Variants in PTK2B observed in about 807,000 individuals in gnomAD.
PTK2B encodes the protein protein tyrosine kinase 2 beta.
PTK2B carries 71 observed loss-of-function variants against 142.9 expected under a neutral mutation model. The ratio of observed to expected loss-of-function variants is 0.50; its 90% CI spans 0.41 to 0.61. The LOEUF (loss-of-function observed/expected upper bound fraction) is 0.61. Ranked by LOEUF, PTK2B falls within the 20% of genes least tolerant of loss-of-function variation. The pLI is 0.00. For missense variants in PTK2B, 1,105 were observed against 1,320.4 expected, an observed-to-expected ratio of 0.84 and a Z score of 2.53; for synonymous variants, 519 against 503.4, an observed-to-expected ratio of 1.03 and a Z score of -0.42.
intron 5 of PTK2B, among the ~76,000 whole-genome samples, chr8:27,427,557 T>C (rs879112536): frequency 6.6e-6 from 1 of 152,178 alleles, no homozygotes; most frequent in Admixed American, 6.5e-5. Context: ...AATTAAATAG[T>C]TGTGTACAGC....
chr8:27,440,156 T>C, intron 20 of PTK2B, 81 bp from the exon 21 acceptor site: 1 of 1,416,002 alleles, frequency 7.1e-7, no homozygotes, highest in South Asian at 1.2e-5. Context: ...TGGTGGAGAC[T>C]GAGTGCTAAT....
chr8:27,323,308 A>G (rs1199311467), upstream of PTK2B: 2 of 152,226 alleles, frequency 1.3e-5, no homozygotes, highest in African/African-American at 4.8e-5. Flanking sequence ...AATATGAGCC[A>G]GGGTTATAGA....
At chr8:27,350,110 T>C (rs552637643) in intron 1 of PTK2B, among the ~76,000 whole-genome samples, 1 of 152,264 alleles carries the variant, frequency 6.6e-6, no homozygotes, top group Non-Finnish European at 1.5e-5. Flanking sequence ...ATGATAAAGG[T>C]ACGGGGAAGC....
Position 27,350,990 on chromosome 8 carries a change from AATATAT to A in PTK2B, c.-38+25355_-38+25360del, listed in dbSNP as rs1161548916. On this transcript the variant is annotated intron_variant, in intron 1 of 30. Transcript: ENST00000346049. ...GTCTCCGTCTCAAAAAAAAAAAAAAAATATATATATATATATATATATATATATATA... is the reference window on the plus strand; with the variant it reads ...GTCTCCGTCTCAAAAAAAAAAAAAAAATATATATATATATATATATATATA... Among the ~76,000 whole-genome samples the A allele has an allele frequency of 6.1e-3, 73 of 12,040 alleles. 1 individual carries two copies. Among genetic ancestry groups the A allele is most frequent in the South Asian group, 0.011 (3 of 270 alleles). 7.9% of individuals were successfully genotyped at this position (12,040 alleles called of 152,430 possible).
chr8:27,370,064 A>T lies in PTK2B; in HGVS notation c.-37-27484A>T, dbSNP rs569472074. ...GAGGCAACTGAGGTCTCCATTGAAG[A>T]TGTGTTGGGCTCAGGGTCTCAGAGC... On this transcript the variant is annotated intron_variant, in intron 1 of 30. Transcript: ENST00000346049. 7.2e-5 allele frequency among the ~76,000 whole-genome samples: 11 copies of T among 152,334 alleles called. No individual in the cohort carries two copies. In the South Asian group the frequency reaches 1.2e-3, roughly 17 times the overall value.
At chr8:27,451,808 A>C in intron 27 of PTK2B, 3 of 1,270,066 alleles carry the variant, frequency 2.4e-6, no homozygotes, top group Non-Finnish European at 3.0e-6. Flanking sequence ...TCTCTTCCTC[A>C]TTTCCTGCTC....
chr8:27,450,983 A>G (rs1393506229), intron 25 of PTK2B, 60 bp from the exon 26 acceptor site: 45 of 1,610,386 alleles, frequency 2.8e-5, no homozygotes, highest in African/African-American at 4.0e-5. Flanking sequence ...GGTCCCCTGC[A>G]TTCTTGGTGC....
chr8:27,376,829 A>G (rs1806700041), intron 1 of PTK2B, among the ~76,000 whole-genome samples: 1 of 152,246 alleles, frequency 6.6e-6, no homozygotes, highest in African/African-American at 2.4e-5. Flanking sequence ...AGAAATAACT[A>G]TAAAAATGGG....
chr8:27,449,973 A>G (rs1204695387), intron 24 of PTK2B, among the ~76,000 whole-genome samples: 1 of 152,190 alleles, frequency 6.6e-6, no homozygotes, highest in Non-Finnish European at 1.5e-5. Flanking sequence ...ATTTCTTCTA[A>G]TCATTGGTTA....
intron 13 of PTK2B, among the ~76,000 whole-genome samples, chr8:27,435,141 T>C (rs1394185517): frequency 1.3e-5 from 2 of 152,258 alleles, no homozygotes; most frequent in Non-Finnish European, 2.9e-5. Context: ...TTCTAGAGGC[T>C]GGAAGTCCAA....
At chr8:27,450,616 A>C in intron 24 of PTK2B, 133 bp from the exon 25 acceptor site, 1 of 1,154,596 alleles carries the variant, frequency 8.7e-7, no homozygotes, top group Non-Finnish European at 1.2e-6. Flanking sequence ...GTTTAAGAAC[A>C]AACTTATGAG....
At chr8:27,311,003 A>G (rs1453964543), upstream of PTK2B, 2 of 1,611,384 alleles carry the variant, frequency 1.2e-6, no homozygotes, top group South Asian at 1.1e-5. Context: ...CTTCTCCACC[A>G]GGTTGTTGAG....
At chr8:27,347,000 C>G (rs1050702991) in intron 1 of PTK2B, among the ~76,000 whole-genome samples, 4 of 152,200 alleles carry the variant, frequency 2.6e-5, no homozygotes, top group African/African-American at 9.6e-5. Context: ...TACTTCTCCT[C>G]TTCTTTGCAT....
At chr8:27,337,031 A>G (rs1246192051) in intron 1 of PTK2B, among the ~76,000 whole-genome samples, 1 of 134,560 alleles carries the variant, frequency 7.4e-6, no homozygotes, top group East Asian at 2.4e-4. Flanking sequence ...ATACTTATTG[A>G]TGAATAGTAG....
At chr8:27,335,425 T>A (rs1803999122) in intron 1 of PTK2B, among the ~76,000 whole-genome samples, 1 of 152,082 alleles carries the variant, frequency 6.6e-6, no homozygotes, top group African/African-American at 2.4e-5. Flanking sequence ...AAACCCCATC[T>A]GTACTAAAAA....
At chr8:27,380,818 A>G (rs1806968739) in intron 1 of PTK2B, 1 of 152,224 alleles carries the variant, frequency 6.6e-6, no homozygotes, top group African/African-American at 2.4e-5. Flanking sequence ...TTCAGTTCTC[A>G]CAGTGAGTTG....
At chr8:27,319,997 G>A (rs866138007) in intron 3 of PTK2B, among the ~76,000 whole-genome samples, 8 of 152,248 alleles carry the variant, frequency 5.3e-5, no homozygotes, top group Middle Eastern at 6.8e-3. Flanking sequence ...TGAGACAGCC[G>A]GGTGGGAAGG....
At chr8:27,393,787 C>T (rs1807867883) in intron 1 of PTK2B, among the ~76,000 whole-genome samples, 1 of 152,064 alleles carries the variant, frequency 6.6e-6, no homozygotes, top group South Asian at 2.1e-4. Context: ...TATCAACATC[C>T]CTCACCCCCC....
chr8:27,311,401 A>AGGGAGGGGGC, upstream of PTK2B: 1 of 812,710 alleles, frequency 1.2e-6, no homozygotes. Context: ...GGCGAGGGGG[A>AGGGAGGGGGC]GGGAGGGGGC....
Sources: gnomAD v4.1 joint callset for allele counts (sites outside exome capture counted in the v4.1 genomes callset) on GRCh38, gnomAD v4.1.1 for gene constraint, MANE v1.5 for transcripts, NCBI Gene and HGNC (gene_info 2026-07-23, HGNC 2026-07-21) for gene names.